Variants in BECN1 observed in about 807,000 individuals in gnomAD.
BECN1 encodes beclin 1, also known as beclin-1.
A neutral mutation model predicts 60.1 loss-of-function variants in BECN1; 15 were observed. The observed-to-expected ratio is 0.25, with a 90% CI of 0.17 to 0.38. The LOEUF is 0.38. BECN1 is among the 10% of genes least tolerant of loss of function. The pLI, the probability that BECN1 is intolerant of heterozygous loss-of-function variation, is 1.00. For synonymous variants in BECN1, 179 were observed against 201.8 expected (o/e 0.89, Z 0.96); for missense variants, 424 against 548.2 (o/e 0.77, Z 2.26).
At position 42,820,860 on chromosome 17, in the gene BECN1, T is replaced by G. The variant is rs1374779661; in HGVS notation, c.131-19A>C. 2.5e-6 allele frequency: 4 copies of G among 1,581,226 alleles called. No homozygotes were observed. The highest frequency in any genetic ancestry group is 2.7e-5 in the African/African-American group (2 of 74,488). On this transcript the variant is annotated intron_variant, in intron 2 of 11. Coordinates refer to ENST00000590099, the MANE Select transcript of BECN1 (RefSeq NM_001313998.2). ...AATGGAGCTAAGGGCAAGGAAAATATTGGGTCAGAAACAGTCTTATTAAAG... is the reference window on the plus strand; with the variant it reads ...AATGGAGCTAAGGGCAAGGAAAATAGTGGGTCAGAAACAGTCTTATTAAAG...
At position 42,810,905 on chromosome 17, in the gene BECN1, A is replaced by G; in HGVS notation, c.1208T>C (p.Ile403Thr). 1 of 1,610,898 alleles carries G rather than the reference A, an allele frequency of 6.2e-7. No individual in the cohort carries two copies. The highest frequency in any genetic ancestry group is 8.5e-7 in the Non-Finnish European group (1 of 1,178,744). ...PYRMDVEKGK[I>T]EDTGGSGGSY... ...GCCGCCACTGCCTCCTGTGTCTTCA[A>G]TCTTGCCTTTCTCCACATCCATCCT... The change falls in exon 12 of 12, where the codon ATT (isoleucine) becomes ACT (threonine). Residue 403 changes from isoleucine (I) to threonine (T), a missense_variant. Around this residue, in one of 3 missense-constraint regions of BECN1, gnomAD observed 326 missense variants for 406.2 expected, o/e 0.80. Transcript: ENST00000590099.
Position 42,813,979 on chromosome 17 carries a change from G to T in BECN1, c.1010C>A (p.Ser337Ter). Residue 337 changes from serine to a stop codon, truncating the protein, a stop_gained, in exon 10 of 12, where the codon TCA becomes TAA. Transcript: ENST00000590099. LOFTEE classifies it high-confidence loss of function. ...TTTGTCTGTCAGAGACTCCAGATAT[G>T]AATGGTTTCCGTAAGGAACAAGTCG... The part of the protein sequence containing the change: ...RYRLVPYGNH[S>*]YLESLTDKSK... 1 of 1,606,022 alleles carries T rather than the reference G, an allele frequency of 6.2e-7. No homozygotes were observed. Among genetic ancestry groups the T allele is most frequent in the South Asian group, 1.1e-5 (1 of 90,312 alleles).
At position 42,818,846 on chromosome 17, in the gene BECN1, T is replaced by C; in HGVS notation, c.292A>G (p.Thr98Ala). 6.2e-7 allele frequency: 1 copy of C among 1,613,990 alleles called. No homozygotes were observed. Among genetic ancestry groups the C allele is most frequent in the Admixed American group, 1.7e-5 (1 of 59,996 alleles). Residue 98 changes from threonine to alanine, a missense_variant, in exon 5 of 12, where the codon ACT (threonine) becomes GCT (alanine). Thr to Ala is a moderately conservative substitution (Grantham distance 58). Around this residue, in one of 3 missense-constraint regions of BECN1, gnomAD observed 96 missense variants for 125.6 expected, o/e 0.76. Transcript: ENST00000590099. ...MMSTESANSF[T>A]LIGEASDGGT... ...CCATCAGATGCCTCCCCAATCAGAG[T>C]GAAGCTGTTGGCACTTTCTGTGGAC... is the stretch of plus-strand genomic sequence containing the variant.
chr17:42,811,315 A>G, intron 11 of BECN1: 1 of 283,794 alleles, frequency 3.5e-6, no homozygotes, highest in Non-Finnish European at 6.5e-6. Flanking sequence ...TAGAGTTTCC[A>G]TCCATCAATG....
chr17:42,812,862 G>T (rs28871615), intron 10 of BECN1: 1 of 124,260 alleles, frequency 8.0e-6, no homozygotes, highest in Non-Finnish European at 1.6e-5. Flanking sequence ...TGAGACAGAG[G>T]CTTGCTTTGT....
Position 42,815,888 on chromosome 17 carries a change from C to T in BECN1, c.830+20G>A. ...AGGTCTAGATATGTGCAGTGCTCCT[C>T]ATCCCCTAGCTCTCATTACCAGATG... On this transcript the variant is annotated intron_variant, in intron 8 of 11. Transcript: ENST00000590099. 6.2e-7 allele frequency: 1 copy of T among 1,614,172 alleles called. No homozygotes were observed. Among genetic ancestry groups the T allele is most frequent in the Middle Eastern group, 1.7e-4 (1 of 6,048 alleles).
At chr17:42,811,875 T>C in intron 10 of BECN1, 78 bp from the exon 11 acceptor site, 1 of 1,525,354 alleles carries the variant, frequency 6.6e-7, no homozygotes, top group Non-Finnish European at 8.9e-7. Flanking sequence ...CCTATCAATC[T>C]CTCAAGTCAT....
chr17:42,818,387 T>A lies in BECN1; in HGVS notation c.517A>T (p.Asn173Tyr), dbSNP rs773451114. 5 of 1,614,198 alleles carry A rather than the reference T, an allele frequency of 3.1e-6. No individual in the cohort carries two copies. In the South Asian group the frequency reaches 4.4e-5, roughly 14 times the overall value. The change falls in exon 7 of 12, where the codon AAT becomes TAT. Residue 173 changes from asparagine (N) to tyrosine (Y), a missense_variant. Transcript: ENST00000590099. ...KRCLEILEQM[N>Y]EDDSEQLQME... is the part of the protein sequence containing the mutation. ...TGTAACTGTTCACTGTCATCCTCAT[T>A]CATTTGCTCTAAGATCTCCAAACAG...
intron 2 of BECN1, among the ~76,000 whole-genome samples, chr17:42,823,522 G>A (rs1317688187): frequency 1.3e-5 from 2 of 152,198 alleles, no homozygotes; most frequent in Non-Finnish European, 2.9e-5. Flanking sequence ...CCAAAATGCT[G>A]GGATTACAGG....
At chr17:42,819,048 A>G (rs1464030471) in intron 4 of BECN1, 171 bp from the exon 5 acceptor site, 4 of 667,672 alleles carry the variant, frequency 6.0e-6, no homozygotes, top group Non-Finnish European at 1.0e-5. Context: ...AAGGAAGGCC[A>G]TGCTGGTCTT....
intron 3 of BECN1, 73 bp downstream of exon 3, chr17:42,820,701 T>C: frequency 1.4e-6 from 2 of 1,455,634 alleles, no homozygotes; most frequent in Non-Finnish European, 9.4e-7. Context: ...CCTGCATTCC[T>C]GTTTTCATAT....
In BECN1 at chr17:42,819,588, G is replaced by A. The variant is rs201863805; in HGVS notation, c.220C>T (p.Arg74Cys). 2.7e-5 allele frequency: 43 copies of A among 1,613,680 alleles called. No individual in the cohort carries two copies. The highest frequency in any genetic ancestry group is 1.7e-4 in the African/African-American group (13 of 74,988). ...AATCTGCGAGAGACACCATCCTGGC[G>A]AGGAGTTTCAATAAATGGCTCCTGG... Reference protein sequence around the residue: ...SGEEPFIETPRQDGVSRRFIP... With the variant: ...SGEEPFIETPCQDGVSRRFIP... Residue 74 changes from arginine (R) to cysteine (C), a missense_variant, in exon 4 of 12, where the codon CGC (arginine) becomes TGC (cysteine). Arg to Cys is a radical substitution (Grantham distance 180). Around this residue, in one of 3 missense-constraint regions of BECN1, gnomAD observed 96 missense variants for 125.6 expected, o/e 0.76. Transcript: ENST00000590099.
chr17:42,819,926 C>G (rs1079394), intron 3 of BECN1, among the ~76,000 whole-genome samples: 2 of 152,022 alleles, frequency 1.3e-5, no homozygotes, highest in African/African-American at 4.8e-5. Flanking sequence ...ACAGAATGCC[C>G]TAAATCATAG....
chr17:42,820,769 A>T lies in BECN1; in HGVS notation c.198+5T>A, dbSNP rs1465627710. On this transcript the variant is annotated splice_donor_5th_base_variant and intron_variant, in intron 3 of 11. Transcript: ENST00000590099. ...GGAGGATAGGGGAGAGGGCACTTCT[A>T]TTACCTCTCCTGAGTTAGTCTCTTC... The T allele has an allele frequency of 6.3e-7, 1 of 1,579,342 alleles. No homozygotes were observed. Among genetic ancestry groups the T allele is most frequent in the Non-Finnish European group, 8.6e-7 (1 of 1,160,168 alleles).
At chr17:42,811,929 C>G in intron 10 of BECN1, 132 bp from the exon 11 acceptor site, 1 of 1,086,726 alleles carries the variant, frequency 9.2e-7, no homozygotes, top group Non-Finnish European at 1.3e-6. Context: ...TAGCTGGACT[C>G]TATCTTCCAT....
chr17:42,812,702 C>CA (rs1397324064), intron 10 of BECN1: 5 of 150,594 alleles, frequency 3.3e-5, no homozygotes, highest in Admixed American at 6.6e-5. Context: ...GCCTGGGTGA[C>CA]AGAGTGAGAC....
intron 9 of BECN1, 189 bp from the exon 10 acceptor site, chr17:42,814,197 A>G (rs543590641): frequency 1.9e-4 from 107 of 549,816 alleles, no homozygotes; most frequent in Non-Finnish European, 3.3e-4. Flanking sequence ...TACATTTATT[A>G]TATAATTGCC....
In BECN1 at chr17:42,818,582, A is replaced by G; in HGVS notation, c.450T>C (p.Thr150=). The change falls in exon 6 of 12, where the codon ACT becomes ACC. Residue 150 remains threonine (T), a synonymous_variant. Transcript: ENST00000590099. The stretch of plus-strand genomic sequence containing the variant: ...ACTCATTTTCAGTGACGTTGAGCTG[A>G]GTGTCCAGCTGGTCTAAAAGAGTAT... ...CTDTLLDQLD[T]QLNVTENECQ... The G allele has an allele frequency of 1.9e-6, 3 of 1,614,156 alleles. No individual in the cohort carries two copies. The highest frequency in any genetic ancestry group is 2.5e-6 in the Non-Finnish European group (3 of 1,180,016).
In BECN1 at chr17:42,818,329, T is replaced by C. The variant is rs1369571411; in HGVS notation, c.575A>G (p.Glu192Gly). Reference protein sequence around the residue: ...MELKELALEEERLIQELEDVE... With the variant: ...MELKELALEEGRLIQELEDVE... ...GTCTTCCAGCTCCTGGATCAGCCTC[T>C]CCTCCTCTAGTGCCAGCTCCTTTAG... The change falls in exon 7 of 12, where the codon GAG (glutamate) becomes GGG (glycine). Residue 192 changes from glutamate (E) to glycine (G), a missense_variant. By Grantham distance (98) the Glu-to-Gly change is moderately conservative. Transcript: ENST00000590099. 6.2e-7 allele frequency: 1 copy of C among 1,614,200 alleles called. No homozygotes were observed. The highest frequency in any genetic ancestry group is 1.1e-5 in the South Asian group (1 of 91,082).
Sources: gnomAD v4.1 joint callset for allele counts (sites outside exome capture counted in the v4.1 genomes callset) on GRCh38, gnomAD v4.1.1 for gene constraint, gnomAD v4.1.1 regional missense constraint, MANE v1.5 for transcripts, NCBI Gene and HGNC (gene_info 2026-07-23, HGNC 2026-07-21) for gene names.